Variants in CNBD1 observed in about 807,000 individuals in gnomAD.
CNBD1 encodes the protein cyclic nucleotide-binding domain-containing protein 1.
A neutral mutation model predicts 54.4 loss-of-function variants in CNBD1; 71 were observed. That is an observed-to-expected ratio of 1.30 (90% confidence interval 1.08 to 1.59). The LOEUF is 1.59. CNBD1 is among the 40% of genes most tolerant of loss of function. The pLI is 0.00. For missense variants in CNBD1, 659 were observed against 518.0 expected, an observed-to-expected ratio of 1.27 and a Z score of -2.64; for synonymous variants, 182 against 170.7, an observed-to-expected ratio of 1.07 and a Z score of -0.51.
intron 2 of CNBD1, among the ~76,000 whole-genome samples, chr8:87,424,292 T>C (rs1179683671): frequency 3.3e-5 from 5 of 151,972 alleles, no homozygotes; most frequent in Non-Finnish European, 7.4e-5. Flanking sequence ...CTGCTCTGAT[T>C]TTAGTTACTT....
intron 4 of CNBD1, among the ~76,000 whole-genome samples, chr8:87,133,721 A>G (rs1048363455): frequency 6.6e-6 from 1 of 151,884 alleles, no homozygotes; most frequent in Non-Finnish European, 1.5e-5. Context: ...CATATTGCAC[A>G]GAGAAGTGGA....
intron 5 of CNBD1, among the ~76,000 whole-genome samples, chr8:87,215,622 G>A (rs1814193822): frequency 1.3e-5 from 2 of 151,686 alleles, no homozygotes; most frequent in East Asian, 1.9e-4. Flanking sequence ...TTTTGGGAAT[G>A]ATAAAAGTAT....
At chr8:87,331,239 T>G (rs1420403646) in intron 8 of CNBD1, among the ~76,000 whole-genome samples, 1 of 152,070 alleles carries the variant, frequency 6.6e-6, no homozygotes, top group African/African-American at 2.4e-5. Flanking sequence ...CAGGTCCAGG[T>G]GTGTGTTGTT....
intron 3 of CNBD1, among the ~76,000 whole-genome samples, chr8:86,925,074 A>G (rs1169291377): frequency 6.6e-6 from 1 of 152,184 alleles, no homozygotes; most frequent in Non-Finnish European, 1.5e-5. Context: ...ATATTATAAG[A>G]GATGACAGGA....
chr8:86,963,704 C>A (rs942264168), intron 4 of CNBD1, among the ~76,000 whole-genome samples: 2 of 152,100 alleles, frequency 1.3e-5, no homozygotes, highest in Non-Finnish European at 2.9e-5. Flanking sequence ...AGAGAGGAGG[C>A]GGACCTAGGT....
chr8:87,249,936 C>A (rs377759375), intron 6 of CNBD1, among the ~76,000 whole-genome samples: 2 of 152,092 alleles, frequency 1.3e-5, no homozygotes, highest in East Asian at 3.9e-4. Flanking sequence ...TGAGTAATAC[C>A]CCAAAAGCAC....
At chr8:87,380,460 A>T (rs536818712) in intron 10 of CNBD1, among the ~76,000 whole-genome samples, 2 of 151,970 alleles carry the variant, frequency 1.3e-5, no homozygotes, top group Non-Finnish European at 2.9e-5. Flanking sequence ...TGATGTCTCC[A>T]ACTTCATCCT....
chr8:87,256,935 G>T (rs1808036084), intron 6 of CNBD1, among the ~76,000 whole-genome samples: 1 of 151,976 alleles, frequency 6.6e-6, no homozygotes, highest in Non-Finnish European at 1.5e-5. Flanking sequence ...TCGGGTTCTA[G>T]ATTGTGAAGG....
chr8:87,204,223 T>C (rs2130795966), intron 4 of CNBD1, among the ~76,000 whole-genome samples: 1 of 152,286 alleles, frequency 6.6e-6, no homozygotes, highest in Non-Finnish European at 1.5e-5. Flanking sequence ...TCTATTTGTT[T>C]TCAGTATCTT....
intron 3 of CNBD1, among the ~76,000 whole-genome samples, chr8:86,935,183 C>T (rs1809525342): frequency 6.6e-6 from 1 of 151,986 alleles, no homozygotes; most frequent in African/African-American, 2.4e-5. Context: ...CTACAGGCAC[C>T]CACCACCATG....
intron 4 of CNBD1, among the ~76,000 whole-genome samples, chr8:87,022,112 G>A (rs998150034): frequency 6.6e-5 from 10 of 152,150 alleles, no homozygotes; most frequent in African/African-American, 2.4e-4. Context: ...CTGCATCACG[G>A]GTAGTAAAAG....
chr8:87,141,874 C>A (rs1424074887), intron 4 of CNBD1, among the ~76,000 whole-genome samples: 2 of 152,094 alleles, frequency 1.3e-5, no homozygotes, highest in Non-Finnish European at 2.9e-5. Context: ...TATACTAAAT[C>A]TTTCATATGT....
At chr8:87,149,239 A>G (rs1371828372) in intron 4 of CNBD1, among the ~76,000 whole-genome samples, 2 of 152,236 alleles carry the variant, frequency 1.3e-5, no homozygotes, top group African/African-American at 2.4e-5. Context: ...CATAAAGGAA[A>G]AAAAGAATAC....
intron 4 of CNBD1, among the ~76,000 whole-genome samples, chr8:87,066,586 C>T (rs921486727): frequency 1.3e-5 from 2 of 151,734 alleles, no homozygotes; most frequent in Non-Finnish European, 3.0e-5. Flanking sequence ...TTGGAATAGT[C>T]AAATATATTG....
intron 4 of CNBD1, among the ~76,000 whole-genome samples, chr8:87,184,327 C>T (rs1018063384): frequency 1.3e-5 from 2 of 152,154 alleles, no homozygotes; most frequent in African/African-American, 4.8e-5. Context: ...CACCAGCAGA[C>T]AGAGGACCAT....
chr8:87,394,692 A>T (rs1399797703), intron 2 of CNBD1, among the ~76,000 whole-genome samples: 9 of 151,924 alleles, frequency 5.9e-5, no homozygotes. Context: ...GTTAGAGAGC[A>T]CCTATCCATG....
At chr8:87,285,452 T>C (rs773060750) in intron 7 of CNBD1, among the ~76,000 whole-genome samples, 2 of 152,154 alleles carry the variant, frequency 1.3e-5, no homozygotes, top group African/African-American at 4.8e-5. Context: ...AATAATGAGA[T>C]TGAGGCTAGG....
chr8:87,063,449 G>A (rs559730453), intron 4 of CNBD1, among the ~76,000 whole-genome samples: 1 of 152,082 alleles, frequency 6.6e-6, no homozygotes, highest in South Asian at 2.1e-4. Flanking sequence ...GTATTCAAGT[G>A]TTTAGTTCTG....
chr8:87,019,754 T>A (rs1407777093), intron 4 of CNBD1, among the ~76,000 whole-genome samples: 1 of 152,098 alleles, frequency 6.6e-6, no homozygotes, highest in Non-Finnish European at 1.5e-5. Context: ...GGCAGGCACC[T>A]GTAATCCCAG....
Sources: allele counts gnomAD v4.1 joint callset (sites outside exome capture counted in the v4.1 genomes callset), GRCh38; gene constraint gnomAD v4.1.1; transcripts MANE v1.5; gene names NCBI Gene and HGNC (gene_info 2026-07-23, HGNC 2026-07-21).